KIAA0825: variants seen among roughly 807,000 people sequenced by gnomAD.
The protein encoded by KIAA0825 is uncharacterized protein KIAA0825.
A neutral mutation model predicts 147.6 loss-of-function variants in KIAA0825; 119 were observed. The observed-to-expected ratio is 0.81, with a 90% confidence interval of 0.69 to 0.94. The LOEUF (loss-of-function observed/expected upper bound fraction) is 0.94. Ranked by LOEUF, KIAA0825 falls within the 40% of genes least tolerant of loss-of-function variation. The probability of loss-of-function intolerance (pLI) is 0.00; values close to 1 mark genes in which losing one functional copy is unlikely to be tolerated. For missense variants in KIAA0825, 1,381 were observed against 1,472.7 expected, an observed-to-expected ratio of 0.94 and a Z score of 1.02; for synonymous variants, 470 against 518.1, an observed-to-expected ratio of 0.91 and a Z score of 1.26.
At chr5:94,387,459 C>T (rs961466323) in intron 18 of KIAA0825, among the ~76,000 whole-genome samples, 3 of 152,106 alleles carry the variant, frequency 2.0e-5, no homozygotes, top group Non-Finnish European at 4.4e-5. Context: ...TTTGGGAGAC[C>T]GAGGTGGGCA....
Position 94,404,870 on chromosome 5 carries a change from T to A in KIAA0825, c.2663-1077A>T, listed in dbSNP as rs577368399. Among the ~76,000 whole-genome samples the A allele has an allele frequency of 1.6e-4, 24 of 152,260 alleles. No homozygotes were observed. In the East Asian group the frequency reaches 4.6e-3, roughly 29 times the overall value. On this transcript the variant is annotated intron_variant, in intron 15 of 20. Coordinates refer to ENST00000682413, the MANE Select transcript of KIAA0825 (RefSeq NM_001145678.3). The stretch of plus-strand genomic sequence containing the variant: ...ATAGACACTTTAGGAGGGGCTTCGG[T>A]GTCCTCATTTATAAAATGGTGAGGG...
intron 20 of KIAA0825, among the ~76,000 whole-genome samples, chr5:94,225,279 T>G: frequency 6.6e-6 from 1 of 152,280 alleles, no homozygotes; most frequent in Middle Eastern, 3.4e-3. Flanking sequence ...AATTATTAAA[T>G]TAGAAATGAC....
intron 20 of KIAA0825, among the ~76,000 whole-genome samples, chr5:94,190,134 C>T (rs1458171796): frequency 6.6e-6 from 1 of 152,140 alleles, no homozygotes; most frequent in African/African-American, 2.4e-5. Context: ...TTGTATCCTG[C>T]AATCTTGCTA....
chr5:94,398,433 A>G (rs983611074), intron 16 of KIAA0825, among the ~76,000 whole-genome samples: 1 of 149,198 alleles, frequency 6.7e-6, no homozygotes, highest in Non-Finnish European at 1.5e-5. Flanking sequence ...TTGCTTTTAG[A>G]CTTCTGAGTA....
chr5:94,283,592 T>C (rs552599982), intron 20 of KIAA0825, among the ~76,000 whole-genome samples: 1 of 152,236 alleles, frequency 6.6e-6, no homozygotes, highest in Non-Finnish European at 1.5e-5. Context: ...CCAATGTAGA[T>C]ATAGCAAAAT....
chr5:94,188,359 T>C (rs972084140), intron 20 of KIAA0825, among the ~76,000 whole-genome samples: 2 of 152,198 alleles, frequency 1.3e-5, no homozygotes, highest in Non-Finnish European at 1.5e-5. Context: ...GACTTCATAT[T>C]TAATTGTGAG....
At chr5:94,265,676 C>T (rs142976227) in intron 20 of KIAA0825, among the ~76,000 whole-genome samples, 4,319 of 152,198 alleles carry the variant, frequency 0.028, 100 homozygotes, top group South Asian at 0.082. Flanking sequence ...TGGCACATGC[C>T]TGTAATCCCA....
At chr5:94,594,671 AT>A in intron 1 of KIAA0825, 2 of 626,056 alleles carry the variant, frequency 3.2e-6, no homozygotes, top group South Asian at 1.5e-5. Context: ...GACATTTGGA[AT>A]TTTTGGGCTA....
chr5:94,585,037 G>A (rs998117265), intron 1 of KIAA0825, among the ~76,000 whole-genome samples: 7 of 152,154 alleles, frequency 4.6e-5, no homozygotes, highest in Admixed American at 2.0e-4. Flanking sequence ...GCTCCTGAAG[G>A]AAGCACTAAA....
chr5:94,431,432 G>C (rs1188438418), intron 14 of KIAA0825, among the ~76,000 whole-genome samples: 1 of 152,140 alleles, frequency 6.6e-6, no homozygotes, highest in Non-Finnish European at 1.5e-5. Flanking sequence ...CCAGGCACTG[G>C]GGATAAAATG....
chr5:94,473,252 T>C, intron 8 of KIAA0825, 40 bp downstream of exon 8: 1 of 1,472,216 alleles, frequency 6.8e-7, no homozygotes, highest in Non-Finnish European at 9.3e-7. Context: ...ATAAATCCCA[T>C]CATGCCAGTC....
chr5:94,615,905 T>C (rs748522584), intron 1 of KIAA0825, among the ~76,000 whole-genome samples: 1 of 152,150 alleles, frequency 6.6e-6, no homozygotes, highest in Non-Finnish European at 1.5e-5. Flanking sequence ...CACTGTGACC[T>C]ATGTTTATTT....
intron 20 of KIAA0825, among the ~76,000 whole-genome samples, chr5:94,372,322 C>G (rs1288974939): frequency 6.6e-6 from 1 of 152,236 alleles, no homozygotes; most frequent in Non-Finnish European, 1.5e-5. Flanking sequence ...GGGGCTCCAA[C>G]CCCACATTTC....
intron 5 of KIAA0825, among the ~76,000 whole-genome samples, chr5:94,508,961 G>C (rs1391177908): frequency 6.6e-6 from 1 of 152,178 alleles, no homozygotes; most frequent in Admixed American, 6.5e-5. Context: ...TTTACCTCCT[G>C]ATTTAATTTT....
intron 1 of KIAA0825, among the ~76,000 whole-genome samples, chr5:94,590,723 T>A (rs1484406569): frequency 2.0e-5 from 3 of 152,220 alleles, no homozygotes; most frequent in Admixed American, 1.3e-4. Context: ...AGGAAACAAT[T>A]AGACTTACTA....
chr5:94,186,495 G>T (rs1770131976), intron 20 of KIAA0825, among the ~76,000 whole-genome samples: 3 of 152,206 alleles, frequency 2.0e-5, no homozygotes, highest in Admixed American at 1.3e-4. Flanking sequence ...AAGTCAATTT[G>T]TAGGTGCTTA....
intron 20 of KIAA0825, among the ~76,000 whole-genome samples, chr5:94,206,672 C>A (rs1471884664): frequency 6.6e-6 from 1 of 152,084 alleles, no homozygotes. Context: ...TAATCTAATG[C>A]CCACATATTT....
At chr5:94,202,314 G>A (rs543662432) in intron 20 of KIAA0825, among the ~76,000 whole-genome samples, 1 of 152,352 alleles carries the variant, frequency 6.6e-6, no homozygotes, top group Admixed American at 6.5e-5. Flanking sequence ...TGGTGGGGAA[G>A]ATTAGAGGTC....
At chr5:94,358,375 T>C (rs914695230) in intron 20 of KIAA0825, among the ~76,000 whole-genome samples, 3 of 152,230 alleles carry the variant, frequency 2.0e-5, no homozygotes, top group African/African-American at 7.2e-5. Context: ...CAGTCTAGTA[T>C]AGGGCAAAGT....
Sources: gnomAD v4.1 joint callset for allele counts (sites outside exome capture counted in the v4.1 genomes callset) on GRCh38, gnomAD v4.1.1 for gene constraint, MANE v1.5 for transcripts, NCBI Gene and HGNC (gene_info 2026-07-23, HGNC 2026-07-21) for gene names.